Variants in YY1 observed in about 807,000 individuals in gnomAD.
YY1 encodes YY1 transcription factor.
YY1 carries 2 observed loss-of-function variants against 35.6 expected under a neutral mutation model. The ratio of observed to expected loss-of-function variants is 0.06; its 90% CI spans 0.02 to 0.18. The LOEUF (loss-of-function observed/expected upper bound fraction) is 0.18. YY1 is among the 10% of genes least tolerant of loss of function. YY1 has a pLI of 1.00. For missense variants in YY1, 322 were observed against 573.4 expected, an observed-to-expected ratio of 0.56 and a Z score of 4.48; for synonymous variants, 268 against 238.9, an observed-to-expected ratio of 1.12 and a Z score of -1.12.
chr14:100,273,782 G>A (rs138257028), intron 2 of YY1, among the ~76,000 whole-genome samples: 1 of 152,152 alleles, frequency 6.6e-6, no homozygotes, highest in Non-Finnish European at 1.5e-5. Context: ...TTTTAGGAAC[G>A]CTTAATTTCT....
At chr14:100,263,064 C>A (rs1286690901) in intron 2 of YY1, among the ~76,000 whole-genome samples, 1 of 152,170 alleles carries the variant, frequency 6.6e-6, no homozygotes, top group East Asian at 1.9e-4. Flanking sequence ...TGTGCCACCA[C>A]GCCCAGCCAA....
chr14:100,248,364 C>T (rs1035246630), intron 1 of YY1, among the ~76,000 whole-genome samples: 10 of 151,982 alleles, frequency 6.6e-5, no homozygotes, highest in Non-Finnish European at 1.2e-4. Context: ...CCTCGTGATC[C>T]GCCCGCCTTG....
intron 1 of YY1, among the ~76,000 whole-genome samples, chr14:100,253,812 T>A (rs1417996121): frequency 6.6e-6 from 1 of 151,948 alleles, no homozygotes; most frequent in Non-Finnish European, 1.5e-5. Context: ...AACAAAGATT[T>A]TTATTATTAT....
chr14:100,279,830 A>G lies in YY1; in HGVS notation c.*2230A>G, dbSNP rs1192679096. ...AGGACCCTGCCCAAGGGCCCACCGC[A>G]GAGCACACCTATGCTATGGGGAGCC... is the stretch of plus-strand genomic sequence containing the variant. On this transcript the variant is annotated 3_prime_UTR_variant, in exon 5 of 5. Coordinates refer to ENST00000262238, the MANE Select transcript of YY1 (RefSeq NM_003403.5). The G allele has an allele frequency of 6.6e-6, 1 of 152,308 alleles. No homozygotes were observed. The highest frequency in any genetic ancestry group is 1.5e-5 in the Non-Finnish European group (1 of 68,096). The allele number at this position is 152,308 out of a possible 1,614,324, so 9.4% of individuals were successfully genotyped here.
At chr14:100,246,532 G>C (rs1391748707) in intron 1 of YY1, among the ~76,000 whole-genome samples, 1 of 152,234 alleles carries the variant, frequency 6.6e-6, no homozygotes, top group Non-Finnish European at 1.5e-5. Context: ...TTAAACTGCT[G>C]AAGGAGAGGC....
chr14:100,253,258 C>T (rs945232727), intron 1 of YY1, among the ~76,000 whole-genome samples: 2 of 152,062 alleles, frequency 1.3e-5, no homozygotes, highest in African/African-American at 4.8e-5. Flanking sequence ...TTGATATTAC[C>T]CCATCGCTAG....
In YY1 at chr14:100,276,895, G is replaced by A; in HGVS notation, c.1062+247G>A. 1 of 555,328 alleles carries A rather than the reference G, an allele frequency of 1.8e-6. No homozygotes were observed. The highest frequency in any genetic ancestry group is 3.2e-6 in the Non-Finnish European group (1 of 311,350). The allele number at this position is 555,328 out of a possible 1,614,324, so 34.4% of individuals were successfully genotyped here. A position where few individuals can be genotyped will look rare whatever the true frequency, so the allele number is the denominator to read the frequency against. On this transcript the variant is annotated intron_variant, in intron 4 of 4. Transcript: ENST00000262238. The surrounding 1 kb of genome is among the most constrained non-coding windows in gnomAD (Gnocchi z 4.1). ...GTTGATGGAGTACACTTTATGGCAG[G>A]AGGAGAACAGGATTGAAGAGCATAC...
In YY1 at chr14:100,281,055, G is replaced by A. The variant is rs1402423602; in HGVS notation, c.*3455G>A. On this transcript the variant is annotated 3_prime_UTR_variant, in exon 5 of 5. Transcript: ENST00000262238. Reference sequence around the variant, plus strand: ...AGCCTGGGTGACAGAGCAAGACTCCGTCTCCCAAAAAAAAAAAAAAAAAAA... The same window carrying A: ...AGCCTGGGTGACAGAGCAAGACTCCATCTCCCAAAAAAAAAAAAAAAAAAA... 1 of 63,038 alleles carries A rather than the reference G, an allele frequency of 1.6e-5. No homozygotes were observed. The highest frequency in any genetic ancestry group is 2.6e-5 in the Non-Finnish European group (1 of 38,364). The allele number at this position is 63,038 out of a possible 1,614,324, so 3.9% of individuals were successfully genotyped here. A position where few individuals can be genotyped will look rare whatever the true frequency, so the allele number is the denominator to read the frequency against.
rs1275383306 is a variant in YY1 at position 100,281,084 on chromosome 14, A to C, written c.*3484A>C. ...CCCAAAAAAAAAAAAAAAAAAAAAA[A>C]AAAGGAAACCTGACAATTCTACCCA... On this transcript the variant is annotated 3_prime_UTR_variant, in exon 5 of 5. Transcript: ENST00000262238. 2 of 150,830 alleles carry C rather than the reference A, an allele frequency of 1.3e-5. No homozygotes were observed. The highest frequency in any genetic ancestry group is 4.9e-5 in the African/African-American group (2 of 40,886). 9.3% of individuals were successfully genotyped at this position (150,830 alleles called of 1,614,324 possible).
In YY1 at chr14:100,277,755, T is replaced by G. The variant is rs1442545199; in HGVS notation, c.*155T>G. 1.2e-5 allele frequency: 10 copies of G among 847,706 alleles called. No homozygotes were observed. The South Asian group carries it at 1.7e-4, about 15-fold the overall frequency. 52.5% of individuals were successfully genotyped at this position (847,706 alleles called of 1,614,324 possible). A position where few individuals can be genotyped will look rare whatever the true frequency, so the allele number is the denominator to read the frequency against. ...ACATGTTTTGATAAAGTAGTAAAAA[T>G]TAAAAAAAAAAAACTTTACTAAGAT... On this transcript the variant is annotated 3_prime_UTR_variant, in exon 5 of 5. Transcript: ENST00000262238. The surrounding 1 kb of genome is among the most constrained non-coding windows in gnomAD (Gnocchi z 5.6).
chr14:100,269,116 A>G (rs1891196685), intron 2 of YY1, among the ~76,000 whole-genome samples: 1 of 152,280 alleles, frequency 6.6e-6, no homozygotes, highest in East Asian at 1.9e-4. Flanking sequence ...TGACTCCTCC[A>G]TATAACATGT....
chr14:100,259,231 C>T (rs1891046077), intron 1 of YY1, among the ~76,000 whole-genome samples: 1 of 152,198 alleles, frequency 6.6e-6, no homozygotes, highest in African/African-American at 2.4e-5. Context: ...CACTTCTGCT[C>T]TACCTTAAGA....
intron 2 of YY1, among the ~76,000 whole-genome samples, chr14:100,268,714 A>G (rs1451800011): frequency 6.6e-6 from 1 of 152,234 alleles, no homozygotes; most frequent in African/African-American, 2.4e-5. Context: ...AGGCAATATT[A>G]TCTTTTCACA....
intron 1 of YY1, among the ~76,000 whole-genome samples, chr14:100,240,832 A>AT (rs1395934658): frequency 1.3e-5 from 2 of 152,102 alleles, no homozygotes; most frequent in African/African-American, 4.8e-5. Context: ...GCTCTTCTGA[A>AT]TAGGTTGGGT....
intron 2 of YY1, among the ~76,000 whole-genome samples, chr14:100,271,945 T>A (rs535247578): frequency 1.3e-5 from 2 of 152,302 alleles, no homozygotes; most frequent in East Asian, 3.9e-4. Flanking sequence ...AGCACTCAGA[T>A]AGTTTCAGAT....
intron 2 of YY1, among the ~76,000 whole-genome samples, chr14:100,265,134 T>C (rs1891134718): frequency 6.6e-6 from 1 of 151,888 alleles, no homozygotes; most frequent in Non-Finnish European, 1.5e-5. Flanking sequence ...TCCCAGCACT[T>C]TGGGAGGCTG....
intron 1 of YY1, among the ~76,000 whole-genome samples, chr14:100,241,598 T>C (rs981978821): frequency 1.3e-5 from 2 of 152,184 alleles, no homozygotes; most frequent in African/African-American, 4.8e-5. Flanking sequence ...CATGAATACT[T>C]TAGTACTTAA....
At chr14:100,272,860 T>C (rs1891262376) in intron 2 of YY1, among the ~76,000 whole-genome samples, 1 of 152,170 alleles carries the variant, frequency 6.6e-6, no homozygotes, top group Non-Finnish European at 1.5e-5. Context: ...TCCTCATAGC[T>C]TAGTTCCCAC....
At chr14:100,274,598 G>T in intron 2 of YY1, 100 bp from the exon 3 acceptor site, 2 of 977,898 alleles carry the variant, frequency 2.0e-6, no homozygotes, top group South Asian at 2.8e-5. Flanking sequence ...ATTTTAGTTT[G>T]GGTACCTATA....
Sources: gnomAD v4.1 joint callset for allele counts (sites outside exome capture counted in the v4.1 genomes callset) on GRCh38, gnomAD v4.1.1 for gene constraint, Gnocchi (gnomAD v3.1) non-coding constraint, MANE v1.5 for transcripts, NCBI Gene and HGNC (gene_info 2026-07-23, HGNC 2026-07-21) for gene names.